PDE4B: variants seen among roughly 807,000 people sequenced by gnomAD.
PDE4B encodes phosphodiesterase 4B.
Under a neutral mutation model 82.2 loss-of-function variants are expected in PDE4B, and 20 were observed. The ratio of observed to expected loss-of-function variants is 0.24; its 90% confidence interval spans 0.17 to 0.35. The LOEUF is 0.35. Ranked by LOEUF, PDE4B falls within the 10% of genes least tolerant of loss-of-function variation. The probability of loss-of-function intolerance (pLI) is 1.00; values close to 1 mark genes in which losing one functional copy is unlikely to be tolerated. For missense variants in PDE4B, 655 were observed against 907.2 expected, an observed-to-expected ratio of 0.72 and a Z score of 3.57; for synonymous variants, 320 against 318.9, an observed-to-expected ratio of 1.00 and a Z score of -0.04.
chr1:66,243,182 G>A (rs148157806), intron 3 of PDE4B, among the ~76,000 whole-genome samples: 3,009 of 152,206 alleles, frequency 0.02, 39 homozygotes, highest in Middle Eastern at 0.058. Flanking sequence ...TCACAAGGCC[G>A]AACAAATAAA....
intron 3 of PDE4B, among the ~76,000 whole-genome samples, chr1:66,116,239 G>A (rs1044219538): frequency 2.6e-5 from 4 of 151,916 alleles, no homozygotes; most frequent in Non-Finnish European, 5.9e-5. Context: ...TCTCTCTCAT[G>A]TTTTAGGCTT....
At chr1:65,965,004 A>C (rs968280961) in intron 3 of PDE4B, among the ~76,000 whole-genome samples, 7 of 152,100 alleles carry the variant, frequency 4.6e-5, no homozygotes, top group Non-Finnish European at 1.0e-4. Flanking sequence ...CGGCTGTTTT[A>C]GTTACAGGAG....
intron 1 of PDE4B, among the ~76,000 whole-genome samples, chr1:65,865,901 T>A (rs1646505649): frequency 6.6e-6 from 1 of 150,606 alleles, no homozygotes; most frequent in South Asian, 2.2e-4. Context: ...TCTCCCTCCA[T>A]CCCAACTCCA....
At position 65,917,532 on chromosome 1, in the gene PDE4B, G is replaced by T. The variant is rs148819272; in HGVS notation, c.43-1065G>T. ...TATAACATTTTCTGTCTTTTAGCTG[G>T]TATGAATGGTACACCAGGCAGAGGC... On this transcript the variant is annotated intron_variant, in intron 2 of 16. Coordinates refer to ENST00000341517, the MANE Select transcript of PDE4B (RefSeq NM_002600.4). Among the ~76,000 whole-genome samples, 263 of 152,268 alleles carry T rather than the reference G, an allele frequency of 1.7e-3. 2 individuals carry two copies. Among genetic ancestry groups the T allele is most frequent in the Middle Eastern group, 0.014 (4 of 294 alleles).
At chr1:66,184,632 C>T (rs1477339876) in intron 3 of PDE4B, among the ~76,000 whole-genome samples, 2 of 152,090 alleles carry the variant, frequency 1.3e-5, no homozygotes, top group South Asian at 2.1e-4. Flanking sequence ...GCCTTCTTCA[C>T]GTGCTACAGT....
intron 3 of PDE4B, among the ~76,000 whole-genome samples, chr1:65,944,629 G>T (rs962276808): frequency 5.9e-5 from 9 of 151,950 alleles, no homozygotes; most frequent in Non-Finnish European, 1.3e-4. Flanking sequence ...AAAGGAGGGG[G>T]AATGCAAAGA....
At chr1:65,971,296 G>A (rs892706223) in intron 3 of PDE4B, among the ~76,000 whole-genome samples, 63 of 151,880 alleles carry the variant, frequency 4.1e-4, no homozygotes, top group African/African-American at 1.4e-3. Flanking sequence ...ATGACACCTG[G>A]TCCTTTAATA....
chr1:65,829,539 A>G (rs1267402649), intron 1 of PDE4B, among the ~76,000 whole-genome samples: 2 of 152,192 alleles, frequency 1.3e-5, no homozygotes, highest in Admixed American at 6.5e-5. Context: ...AAGATAGACT[A>G]TATTCTGGGC....
chr1:66,308,852 T>C (rs1658469009), intron 7 of PDE4B, among the ~76,000 whole-genome samples: 2 of 152,194 alleles, frequency 1.3e-5, no homozygotes, highest in African/African-American at 4.8e-5. Flanking sequence ...TTCTGACATA[T>C]ACAGAGCTAT....
chr1:66,228,636 A>C (rs1195104859), intron 3 of PDE4B, among the ~76,000 whole-genome samples: 1 of 150,958 alleles, frequency 6.6e-6, no homozygotes, highest in Non-Finnish European at 1.5e-5. Flanking sequence ...TAAAAAAAAA[A>C]AAAAAAACAT....
At chr1:65,873,102 C>A (rs1279826344) in intron 1 of PDE4B, among the ~76,000 whole-genome samples, 1 of 152,126 alleles carries the variant, frequency 6.6e-6, no homozygotes. Flanking sequence ...AAAACTATAA[C>A]AATTTCAAGT....
In PDE4B at chr1:66,153,127, T is replaced by A. The variant is rs533291922; in HGVS notation, c.282-94333T>A. Among the ~76,000 whole-genome samples, 93 of 152,312 alleles carry A rather than the reference T, an allele frequency of 6.1e-4. 1 individual carries two copies. Among genetic ancestry groups the A allele is most frequent in the African/African-American group, 2.1e-3 (88 of 41,574 alleles). On this transcript the variant is annotated intron_variant, in intron 3 of 16. Transcript: ENST00000341517. ...TGCTTCCCTCTCCCACCTTGTATTT[T>A]CCATGACTTCTCATGCCCCACACCA...
At chr1:66,165,966 A>G (rs923027820) in intron 3 of PDE4B, among the ~76,000 whole-genome samples, 8 of 151,568 alleles carry the variant, frequency 5.3e-5, no homozygotes, top group Non-Finnish European at 1.2e-4. Context: ...AAAAAAAAAG[A>G]AATTGGAGGA....
At chr1:66,108,261 T>C (rs1645412187) in intron 3 of PDE4B, among the ~76,000 whole-genome samples, 1 of 151,980 alleles carries the variant, frequency 6.6e-6, no homozygotes, top group South Asian at 2.1e-4. Context: ...TCATTATACT[T>C]TCTGCTTCTT....
intron 6 of PDE4B, among the ~76,000 whole-genome samples, chr1:66,262,251 T>G (rs757897114): frequency 6.6e-6 from 1 of 152,208 alleles, no homozygotes; most frequent in Non-Finnish European, 1.5e-5. Context: ...CCTAGCCAAA[T>G]TTCCTCAGAT....
chr1:66,241,676 A>G (rs1652900152), intron 3 of PDE4B, among the ~76,000 whole-genome samples: 1 of 152,164 alleles, frequency 6.6e-6, no homozygotes, highest in Non-Finnish European at 1.5e-5. Context: ...ATTTTCCAAT[A>G]GAAATTTTAA....
chr1:66,078,997 T>C (rs1455932584), intron 3 of PDE4B, among the ~76,000 whole-genome samples: 1 of 152,114 alleles, frequency 6.6e-6, no homozygotes, highest in Non-Finnish European at 1.5e-5. Flanking sequence ...CATGTAGATA[T>C]AATGAATAAA....
At position 65,913,506 on chromosome 1, in the gene PDE4B, C is replaced by T. The variant is rs935602936; in HGVS notation, c.42+150C>T. Reference sequence around the variant, plus strand: ...GGGCACAGCCAGCACCTGGACCTGACGTTCTGTGAGTTGGACAGCAGGAAC... The same window carrying T: ...GGGCACAGCCAGCACCTGGACCTGATGTTCTGTGAGTTGGACAGCAGGAAC... On this transcript the variant is annotated intron_variant, in intron 2 of 16. Coordinates refer to ENST00000341517, the MANE Select transcript of PDE4B (RefSeq NM_002600.4). 2.9e-5 allele frequency: 20 copies of T among 691,208 alleles called. No individual in the cohort carries two copies. The Admixed American group carries it at 3.8e-4, about 13-fold the overall frequency. 42.8% of individuals were successfully genotyped at this position (691,208 alleles called of 1,614,324 possible).
chr1:66,102,048 T>C (rs1333429632), intron 3 of PDE4B, among the ~76,000 whole-genome samples: 1 of 152,286 alleles, frequency 6.6e-6, no homozygotes, highest in Middle Eastern at 3.4e-3. Context: ...GCTTTCTACA[T>C]ATGGCTATCC....
Sources: allele counts gnomAD v4.1 joint callset (sites outside exome capture counted in the v4.1 genomes callset), GRCh38; gene constraint gnomAD v4.1.1; transcripts MANE v1.5; gene names NCBI Gene and HGNC (gene_info 2026-07-23, HGNC 2026-07-21).